The following OSTM1 variants were observed in gnomAD, a reference collection of about 807,000 sequenced individuals.
OSTM1 encodes the protein osteopetrosis-associated transmembrane protein 1.
Under a neutral mutation model 35.4 loss-of-function variants are expected in OSTM1, and 26 were observed. The ratio of observed to expected loss-of-function variants is 0.73; its 90% CI spans 0.54 to 1.02. The LOEUF (loss-of-function observed/expected upper bound fraction) is 1.02. Among genes scored for constraint, OSTM1 ranks in the 50% least tolerant of loss-of-function variants. OSTM1 has a pLI of 0.00. For synonymous variants in OSTM1, 181 were observed against 165.0 expected, an observed-to-expected ratio of 1.10 and a Z score of -0.75; for missense variants, 366 against 409.6, an observed-to-expected ratio of 0.89 and a Z score of 0.92.
chr6:108,049,390 C>T lies in OSTM1; in HGVS notation c.812G>A (p.Arg271Gln), dbSNP rs529443538. 22 of 1,613,672 alleles carry T rather than the reference C, an allele frequency of 1.4e-5. No individual in the cohort carries two copies. The highest frequency in any genetic ancestry group is 2.2e-5 in the South Asian group (2 of 91,040). The change falls in exon 5 of 6, where the codon CGA becomes CAA. Residue 271 changes from arginine (R) to glutamine (Q), a missense_variant. Arg to Gln is a conservative substitution (Grantham distance 43, BLOSUM62 1). Transcript: ENST00000193322. ...AMNITRKLWS[R>Q]TFNCSVPCSD... ...GCAAGGGACTGAACAGTTGAAAGTT[C>T]GACTCCATAGTTTTCGAGTGATGTT... is the stretch of plus-strand genomic sequence containing the variant.
intron 4 of OSTM1, 180 bp from the exon 5 acceptor site, chr6:108,049,598 A>T: frequency 7.1e-7 from 1 of 1,403,248 alleles, no homozygotes; most frequent in Non-Finnish European, 9.3e-7. Context: ...TTCAAAATAC[A>T]GTCATTGTAG....
intron 1 of OSTM1, 66 bp from the exon 2 acceptor site, chr6:108,064,365 C>CA: frequency 1.2e-6 from 1 of 848,384 alleles, no homozygotes; most frequent in Non-Finnish European, 2.0e-6. Context: ...CAACTTGAGG[C>CA]AAAAACCTTA....
rs1771883218 is a variant in OSTM1, at chr6:108,042,375, T to C, written c.*2410A>G. ...ATAAATAATCCAAAGTACATTTTTATTTGCAGCAAAATTTAAGACAGACAG... is the reference window on the plus strand; with the variant it reads ...ATAAATAATCCAAAGTACATTTTTACTTGCAGCAAAATTTAAGACAGACAG... On this transcript the variant is annotated 3_prime_UTR_variant, in exon 6 of 6. Transcript: ENST00000193322. The C allele has an allele frequency of 1.3e-5, 2 of 150,858 alleles. No homozygotes were observed. Among genetic ancestry groups the C allele is most frequent in the Admixed American group, 1.3e-4 (2 of 15,158 alleles). 9.3% of individuals were successfully genotyped at this position (150,858 alleles called of 1,614,324 possible).
chr6:108,052,231 G>A (rs949510115), intron 3 of OSTM1, among the ~76,000 whole-genome samples: 3 of 152,032 alleles, frequency 2.0e-5, no homozygotes, highest in East Asian at 3.9e-4. Flanking sequence ...TCAGGAGATC[G>A]AGACCATCCT....
chr6:108,051,243 T>C (rs1027166238), intron 3 of OSTM1, 45 bp from the exon 4 acceptor site: 3 of 1,354,050 alleles, frequency 2.2e-6, no homozygotes, highest in African/African-American at 2.9e-5. Flanking sequence ...AAACATTATA[T>C]ACAATATCTC....
rs762164134 is a variant in OSTM1 at position 108,070,056 on chromosome 6, G to T, written c.402+4194C>A. ...TCCGTCATTTTTTTTTTCTTTTTTT[G>T]AGATGGAGTCTTGCTCTGTCACCCA... On this transcript the variant is annotated intron_variant, in intron 1 of 5. Transcript: ENST00000193322. Among the ~76,000 whole-genome samples the T allele has an allele frequency of 4.5e-4, 68 of 149,814 alleles. 1 individual carries two copies. Among genetic ancestry groups the T allele is most frequent in the Non-Finnish European group, 5.6e-4 (38 of 67,492 alleles).
At chr6:108,052,532 T>G (rs1772095104) in intron 3 of OSTM1, among the ~76,000 whole-genome samples, 1 of 149,538 alleles carries the variant, frequency 6.7e-6, no homozygotes, top group East Asian at 2.0e-4. Flanking sequence ...TTTTTTTTTT[T>G]GAGACACGGT....
At chr6:108,050,939 G>T in intron 4 of OSTM1, 92 bp downstream of exon 4, 1 of 1,084,368 alleles carries the variant, frequency 9.2e-7, no homozygotes, top group Non-Finnish European at 1.4e-6. Flanking sequence ...AGAATATGCA[G>T]ATTCCACCCT....
intron 2 of OSTM1, among the ~76,000 whole-genome samples, chr6:108,063,826 C>T (rs533002613): frequency 5.9e-5 from 9 of 152,206 alleles, no homozygotes; most frequent in African/African-American, 1.2e-4. Context: ...ATTCTCAAGG[C>T]GACTATATAA....
chr6:108,066,785 A>G (rs1025406766), intron 1 of OSTM1, among the ~76,000 whole-genome samples: 6 of 152,130 alleles, frequency 3.9e-5, no homozygotes, highest in African/African-American at 1.4e-4. Context: ...CATTACCCTG[A>G]TGCATGGTTT....
intron 5 of OSTM1, among the ~76,000 whole-genome samples, chr6:108,045,465 TG>T (rs1309438221): frequency 7.3e-6 from 1 of 136,880 alleles, no homozygotes; most frequent in Non-Finnish European, 1.6e-5. Flanking sequence ...TATTTTCAGA[TG>T]AAAAAAAAAT....
chr6:108,050,427 G>A (rs1206312145), intron 4 of OSTM1, among the ~76,000 whole-genome samples: 1 of 135,116 alleles, frequency 7.4e-6, no homozygotes, highest in South Asian at 2.4e-4. Context: ...GCACTGGCAC[G>A]ATCTCAGCTC....
intron 1 of OSTM1, among the ~76,000 whole-genome samples, chr6:108,066,559 C>T (rs1471553197): frequency 6.6e-6 from 1 of 152,082 alleles, no homozygotes; most frequent in East Asian, 1.9e-4. Context: ...GCTGAGAGAA[C>T]TGGAGGTACA....
intron 1 of OSTM1, among the ~76,000 whole-genome samples, chr6:108,071,460 ATTT>A (rs545759140): frequency 0.15 from 15,842 of 102,962 alleles, 548 homozygotes; most frequent in East Asian, 0.2. Flanking sequence ...CACCCGGCTA[ATTT>A]TTTTTTTTTT....
chr6:108,054,360 C>T, intron 3 of OSTM1, 130 bp downstream of exon 3: 2 of 452,932 alleles, frequency 4.4e-6, no homozygotes, highest in East Asian at 3.5e-5. Flanking sequence ...AGCAGAAATC[C>T]AGGTCCACTA....
chr6:108,061,633 C>G (rs898705930), intron 2 of OSTM1, among the ~76,000 whole-genome samples: 2 of 152,100 alleles, frequency 1.3e-5, no homozygotes, highest in Non-Finnish European at 2.9e-5. Flanking sequence ...TCAAGCACTC[C>G]TCTTACCTCA....
At chr6:108,073,194 G>A (rs1037392099) in intron 1 of OSTM1, among the ~76,000 whole-genome samples, 3 of 152,146 alleles carry the variant, frequency 2.0e-5, no homozygotes, top group African/African-American at 7.2e-5. Flanking sequence ...CTATAAACAA[G>A]TTTAGACAAG....
intron 5 of OSTM1, among the ~76,000 whole-genome samples, chr6:108,048,277 A>T (rs1410896798): frequency 6.6e-6 from 1 of 152,228 alleles, no homozygotes; most frequent in Non-Finnish European, 1.5e-5. Context: ...AAGAAAATTA[A>T]CCTTTTCCCC....
intron 1 of OSTM1, among the ~76,000 whole-genome samples, chr6:108,069,880 T>C (rs931973252): frequency 3.3e-5 from 5 of 152,184 alleles, no homozygotes; most frequent in African/African-American, 1.2e-4. Flanking sequence ...CATAAATAGC[T>C]TACTAGTTTC....
Sources: gnomAD v4.1 joint callset for allele counts (sites outside exome capture counted in the v4.1 genomes callset) on GRCh38, gnomAD v4.1.1 for gene constraint, MANE v1.5 for transcripts, NCBI Gene and HGNC (gene_info 2026-07-23, HGNC 2026-07-21) for gene names.